The following CSMD2 variants were observed in gnomAD, a reference collection of about 807,000 sequenced individuals.
CSMD2 encodes the protein CUB and sushi domain-containing protein 2.
In CSMD2, 130 loss-of-function variants were observed where a neutral mutation model predicts 398.5. The observed-to-expected ratio is 0.33, with a 90% CI of 0.28 to 0.38. The LOEUF (loss-of-function observed/expected upper bound fraction) is 0.38. Among genes scored for constraint, CSMD2 ranks in the 10% least tolerant of loss-of-function variants. The pLI, the probability that CSMD2 is intolerant of heterozygous loss-of-function variation, is 1.00. For synonymous variants in CSMD2, 1,828 were observed against 1,908.5 expected, an observed-to-expected ratio of 0.96 and a Z score of 1.10; for missense variants, 3,829 against 4,764.9, an observed-to-expected ratio of 0.80 and a Z score of 5.78.
intron 2 of CSMD2, among the ~76,000 whole-genome samples, chr1:34,050,394 T>C (rs1653037910): frequency 6.6e-6 from 1 of 152,242 alleles, no homozygotes; most frequent in African/African-American, 2.4e-5. Context: ...ACTGTCATGG[T>C]ATTCCACAAT....
chr1:33,652,674 G>A (rs949524102), intron 27 of CSMD2, among the ~76,000 whole-genome samples: 1 of 152,150 alleles, frequency 6.6e-6, no homozygotes, highest in Non-Finnish European at 1.5e-5. Context: ...GCAACATTTC[G>A]AAAGTACCAG....
intron 13 of CSMD2, among the ~76,000 whole-genome samples, chr1:33,771,532 T>C (rs1219518639): frequency 6.6e-6 from 1 of 152,008 alleles, no homozygotes; most frequent in Admixed American, 6.6e-5. Flanking sequence ...TCAAAATGCT[T>C]TGTTGGACAA....
At chr1:34,153,292 T>C (rs1436801254) in intron 1 of CSMD2, among the ~76,000 whole-genome samples, 2 of 152,216 alleles carry the variant, frequency 1.3e-5, no homozygotes, top group Non-Finnish European at 2.9e-5. Context: ...GCTGGGATTA[T>C]AGGTGTGAGC....
chr1:33,592,095 GC>G, intron 44 of CSMD2: 1 of 398,248 alleles, frequency 2.5e-6, no homozygotes, highest in Non-Finnish European at 4.7e-6. Context: ...GCTAGAATAA[GC>G]AAAAAAGCCT....
In CSMD2 at chr1:33,519,560, G is replaced by C. The variant is rs377399157; in HGVS notation, c.10854C>G (p.Ser3618Arg). Residue 3618 changes from serine (S) to arginine (R), a missense_variant, in exon 70 of 71, where the codon AGC becomes AGG. Ser to Arg is a moderately radical substitution (Grantham distance 110, BLOSUM62 -1). This residue lies in a region of CSMD2 where 917 missense variants were observed against 1,199.5 expected (regional missense o/e 0.76). Transcript: ENST00000373381. This position sits in a 1 kb window ranked among gnomAD's most constrained non-coding sequence, Gnocchi z 5.6. ...CTGTGCTGACTGTGAACTCCGCCTC[G>C]CTGGCCATGATGTCTGTGGGCTGGA... ...RNIQPTDIMA[S>R]EAEFTVSTVC... 4 of 1,614,070 alleles carry C rather than the reference G, an allele frequency of 2.5e-6. No individual in the cohort carries two copies. The highest frequency in any genetic ancestry group is 3.4e-6 in the Non-Finnish European group (4 of 1,180,014).
chr1:33,948,208 C>T (rs532994969), intron 3 of CSMD2, among the ~76,000 whole-genome samples: 4 of 152,352 alleles, frequency 2.6e-5, no homozygotes, highest in Admixed American at 2.6e-4. Flanking sequence ...TGGAGTCCAA[C>T]TACTTCTCCA....
chr1:34,056,857 A>C (rs72667715), intron 2 of CSMD2, among the ~76,000 whole-genome samples: 5,759 of 152,256 alleles, frequency 0.038, 126 homozygotes, highest in East Asian at 0.062. Flanking sequence ...GCAGCTGAGA[A>C]AGGGGACCTG....
rs577752715 is a variant in CSMD2, at chr1:33,955,553, G to A, written c.518-19599C>T. ...GACCACGTTTTGATCTTTTACTCCC[G>A]CTTACTCATGGGCAATCTTAACGAA... On this transcript the variant is annotated intron_variant, in intron 3 of 70. Coordinates refer to ENST00000373381, the MANE Select transcript of CSMD2 (RefSeq NM_001281956.2). Among the ~76,000 whole-genome samples the A allele has an allele frequency of 9.6e-4, 146 of 152,140 alleles. 1 individual carries two copies. Among genetic ancestry groups the A allele is most frequent in the Non-Finnish European group, 1.6e-3 (106 of 68,008 alleles).
chr1:33,781,341 C>T (rs1328441091), intron 12 of CSMD2, among the ~76,000 whole-genome samples: 3 of 152,238 alleles, frequency 2.0e-5, no homozygotes, highest in Non-Finnish European at 2.9e-5. Context: ...AGATTTGCTG[C>T]CCCTCCTTTG....
intron 1 of CSMD2, among the ~76,000 whole-genome samples, chr1:34,112,767 C>T (rs1261814228): frequency 6.6e-6 from 1 of 152,088 alleles, no homozygotes; most frequent in Non-Finnish European, 1.5e-5. Context: ...AAGAAATTCA[C>T]AGGCTTGGGA....
intron 10 of CSMD2, among the ~76,000 whole-genome samples, chr1:33,796,236 A>G (rs1475962958): frequency 6.6e-6 from 1 of 152,214 alleles, no homozygotes; most frequent in Non-Finnish European, 1.5e-5. Flanking sequence ...TGAGACCTAC[A>G]ATGTGCTCAA....
chr1:33,715,821 G>A (rs1014332497), intron 20 of CSMD2, among the ~76,000 whole-genome samples: 2 of 151,980 alleles, frequency 1.3e-5, no homozygotes, highest in African/African-American at 2.4e-5. Context: ...CCTAAACAGA[G>A]AGATAAATAT....
At chr1:34,144,594 G>A (rs910742560) in intron 1 of CSMD2, among the ~76,000 whole-genome samples, 18 of 152,204 alleles carry the variant, frequency 1.2e-4, no homozygotes, top group African/African-American at 4.3e-4. Context: ...GTATTAACAA[G>A]ACAATTTTGC....
chr1:33,790,845 C>CTATCTATCTATCTATT (rs1553207628), intron 11 of CSMD2, among the ~76,000 whole-genome samples: 1 of 128,610 alleles, frequency 7.8e-6, no homozygotes, highest in Non-Finnish European at 1.7e-5. Flanking sequence ...ATCTATCTAT[C>CTATCTATCTATCTATT]ATCTATCTAT....
At position 33,577,333 on chromosome 1, in the gene CSMD2, G is replaced by A; in HGVS notation, c.7539C>T (p.Gly2513=). Residue 2513 remains glycine (G), a synonymous_variant, in exon 49 of 71, where the codon GGC becomes GGT. Transcript: ENST00000373381. ...SMAICTRHPQ[G]YHLWSEAIPL... ...GGATGGCTTCGCTCCACAGGTGGTA[G>A]CCCTGGGGGTGCCGGGTACAGATGG... The A allele has an allele frequency of 6.2e-7, 1 of 1,613,548 alleles. No homozygotes were observed. Among genetic ancestry groups the A allele is most frequent in the Non-Finnish European group, 8.5e-7 (1 of 1,179,676 alleles).
intron 15 of CSMD2, among the ~76,000 whole-genome samples, chr1:33,732,852 C>G (rs1426893652): frequency 6.6e-6 from 1 of 152,242 alleles, no homozygotes; most frequent in Non-Finnish European, 1.5e-5. Flanking sequence ...ACATGCCAGG[C>G]TCTGACCTTC....
intron 13 of CSMD2, among the ~76,000 whole-genome samples, chr1:33,768,362 G>A (rs928755023): frequency 6.6e-6 from 1 of 152,130 alleles, no homozygotes; most frequent in Non-Finnish European, 1.5e-5. Flanking sequence ...GTAGATGACA[G>A]AGATGTGTTA....
rs1185943860 is a variant in CSMD2, at chr1:33,709,152, C to T, written c.3513G>A (p.Gln1171=). 12 of 1,614,004 alleles carry T rather than the reference C, an allele frequency of 7.4e-6. No individual in the cohort carries two copies. The highest frequency in any genetic ancestry group is 1.0e-5 in the Non-Finnish European group (12 of 1,180,006). Residue 1171 remains glutamine, a synonymous_variant, in exon 22 of 71, where the codon CAG becomes CAA. Coordinates refer to ENST00000373381, the MANE Select transcript of CSMD2 (RefSeq NM_001281956.2). ...CTTTCAGCTGAATTCCCTTCCCTGG[C>T]TGGGTCTGGATGGAGTAGATGCATT... ...NHECIYSIQT[Q]PGKGIQLKAR...
Position 33,854,113 on chromosome 1 carries a change from G to A in CSMD2, c.921-7117C>T, listed in dbSNP as rs114256080. Among the ~76,000 whole-genome samples, 929 of 152,096 alleles carry A rather than the reference G, an allele frequency of 6.1e-3. 5 individuals are homozygous for A. Among genetic ancestry groups the A allele is most frequent in the African/African-American group, 0.021 (866 of 41,482 alleles). ...TTTTCTTAGCTACTTCCTACTCATC[G>A]TGCAGGTGTATCAGCCCCTGGCTCA... On this transcript the variant is annotated intron_variant, in intron 5 of 70. Transcript: ENST00000373381.
Sources: allele counts gnomAD v4.1 joint callset (sites outside exome capture counted in the v4.1 genomes callset), GRCh38; gene constraint gnomAD v4.1.1; regional missense constraint gnomAD v4.1.1; non-coding constraint Gnocchi (gnomAD v3.1); transcripts MANE v1.5; gene names NCBI Gene and HGNC (gene_info 2026-07-23, HGNC 2026-07-21).